CADM1: variants seen among roughly 807,000 people sequenced by gnomAD.
The protein encoded by CADM1 is cell adhesion molecule 1, also known as TSLC-1.
Under a neutral mutation model 53.1 loss-of-function variants are expected in CADM1, and 15 were observed. The ratio of observed to expected loss-of-function variants is 0.28; its 90% CI spans 0.19 to 0.44. The LOEUF is 0.44. Among genes scored for constraint, CADM1 ranks in the 20% least tolerant of loss-of-function variants. The pLI, the probability that CADM1 is intolerant of heterozygous loss-of-function variation, is 1.00. For missense variants in CADM1, 434 were observed against 611.3 expected, an observed-to-expected ratio of 0.71 and a Z score of 3.06; for synonymous variants, 281 against 243.0, an observed-to-expected ratio of 1.16 and a Z score of -1.45.
intron 1 of CADM1, among the ~76,000 whole-genome samples, chr11:115,380,132 CA>C (rs1946538152): frequency 6.6e-6 from 1 of 152,134 alleles, no homozygotes; most frequent in South Asian, 2.1e-4. Context: ...GGAAGAAATA[CA>C]GTTCCTCTAT....
chr11:115,322,809 ATGGATAT>A (rs1243362863), intron 1 of CADM1, among the ~76,000 whole-genome samples: 5 of 152,192 alleles, frequency 3.3e-5, no homozygotes, highest in Non-Finnish European at 7.3e-5. Flanking sequence ...TCATCAATAA[ATGGATAT>A]TGGATATTGT....
chr11:115,249,386 G>A (rs1305312265), intron 1 of CADM1, among the ~76,000 whole-genome samples: 1 of 152,232 alleles, frequency 6.6e-6, no homozygotes, highest in Non-Finnish European at 1.5e-5. Flanking sequence ...GATGAACTGT[G>A]TAAATAGCAG....
intron 1 of CADM1, among the ~76,000 whole-genome samples, chr11:115,418,084 C>T (rs971337063): frequency 6.6e-6 from 1 of 152,142 alleles, no homozygotes; most frequent in African/African-American, 2.4e-5. Flanking sequence ...GCTCTCCTTC[C>T]TCTTTTACCT....
intron 1 of CADM1, among the ~76,000 whole-genome samples, chr11:115,385,633 G>GAAAAAAAAAAAA (rs3045733): frequency 9.0e-6 from 1 of 111,480 alleles, no homozygotes. Flanking sequence ...AAGGATTAAA[G>GAAAAAAAAAAAA]AAAAAAAAAA....
intron 1 of CADM1, among the ~76,000 whole-genome samples, chr11:115,400,883 G>C (rs1262804468): frequency 6.6e-6 from 1 of 151,528 alleles, no homozygotes; most frequent in Non-Finnish European, 1.5e-5. Flanking sequence ...GGAATGCTCA[G>C]TTACTGCTGG....
chr11:115,471,311 G>C lies in CADM1; in HGVS notation c.124+32960C>G, dbSNP rs533111823. On this transcript the variant is annotated intron_variant, in intron 1 of 11. Transcript: ENST00000331581. Reference sequence around the variant, plus strand: ...TACAGAAAAACATGATCAACAAGGAGAAAAGAGCAGAATATAAACCAAGCA... The same window carrying C: ...TACAGAAAAACATGATCAACAAGGACAAAAGAGCAGAATATAAACCAAGCA... Among the ~76,000 whole-genome samples the C allele has an allele frequency of 8.6e-4, 131 of 152,316 alleles. 5 individuals are homozygous for C. The South Asian group carries it at 0.026, about 31-fold the overall frequency.
chr11:115,176,256 CA>C lies in CADM1; in HGVS notation c.*217del. ...TTGGTAGGAAGAAATAAAAATTAAACAAACAAACAAACGAAAAAAGAGGTGT... is the reference window on the plus strand; with the variant it reads ...TTGGTAGGAAGAAATAAAAATTAAACAACAAACAAACGAAAAAAGAGGTGT... On this transcript the variant is annotated 3_prime_UTR_variant, in exon 12 of 12. Transcript: ENST00000331581. 1 of 1,311,594 alleles carries C rather than the reference CA, an allele frequency of 7.6e-7. No homozygotes were observed. The highest frequency in any genetic ancestry group is 9.8e-7 in the Non-Finnish European group (1 of 1,021,328). The allele number at this position is 1,311,594 out of a possible 1,614,324, so 81.2% of individuals were successfully genotyped here. A position where few individuals can be genotyped will look rare whatever the true frequency, so the allele number is the denominator to read the frequency against.
At chr11:115,200,206 A>G (rs1940354333) in intron 8 of CADM1, among the ~76,000 whole-genome samples, 2 of 152,230 alleles carry the variant, frequency 1.3e-5, no homozygotes, top group Admixed American at 1.3e-4. Context: ...TTACAAGTCA[A>G]GTCTGTGTGC....
At chr11:115,456,973 AG>A (rs977809733) in intron 1 of CADM1, among the ~76,000 whole-genome samples, 37 of 152,278 alleles carry the variant, frequency 2.4e-4, no homozygotes, top group Admixed American at 7.2e-4. Context: ...CAGTAAGGAC[AG>A]GAACCTCTGT....
chr11:115,287,621 G>A (rs1943765731), intron 1 of CADM1: 1 of 152,250 alleles, frequency 6.6e-6, no homozygotes, highest in Admixed American at 6.5e-5. Flanking sequence ...TTGGTGTGGT[G>A]AAGATGAGAG....
In CADM1 at chr11:115,435,834, C is replaced by T. The variant is rs77648347; in HGVS notation, c.124+68437G>A. 5.1e-3 allele frequency among the ~76,000 whole-genome samples: 774 copies of T among 152,288 alleles called. 6 individuals are homozygous for T. Among genetic ancestry groups the T allele is most frequent in the African/African-American group, 0.018 (743 of 41,558 alleles). On this transcript the variant is annotated intron_variant, in intron 1 of 11. Transcript: ENST00000331581. ...ACAACAACCGACCTGAGTGATTTTG[C>T]TGGAGATTATATGGCCTACAAGACC...
chr11:115,472,151 TG>T (rs1349551224), intron 1 of CADM1, among the ~76,000 whole-genome samples: 4 of 152,192 alleles, frequency 2.6e-5, no homozygotes, highest in African/African-American at 9.7e-5. Flanking sequence ...AAACTGAGAA[TG>T]GTTGCTTATT....
chr11:115,319,510 G>A (rs1034880721), intron 1 of CADM1, among the ~76,000 whole-genome samples: 1 of 151,954 alleles, frequency 6.6e-6, no homozygotes, highest in South Asian at 2.1e-4. Flanking sequence ...CACTATTTTG[G>A]TGATTTTGCA....
intron 1 of CADM1, among the ~76,000 whole-genome samples, chr11:115,373,592 AAAAAAAAAAAAAAAAAG>A (rs554368305): frequency 0.1 from 14,632 of 145,566 alleles, 989 homozygotes; most frequent in South Asian, 0.29. Flanking sequence ...TCAAAAAAAA[AAAAAAAAAAAAAAAAAG>A]AAGAAGAAGA....
intron 3 of CADM1, among the ~76,000 whole-genome samples, chr11:115,238,205 A>C (rs535873655): frequency 6.6e-6 from 1 of 152,314 alleles, no homozygotes; most frequent in South Asian, 2.1e-4. Context: ...GGTAGTTAGA[A>C]GTAATAACAT....
chr11:115,188,110 C>CTCA (rs1452827425), intron 10 of CADM1, among the ~76,000 whole-genome samples: 1 of 152,216 alleles, frequency 6.6e-6, no homozygotes, highest in African/African-American at 2.4e-5. Flanking sequence ...CCCAAGGCCC[C>CTCA]TCCACTGCTG....
intron 1 of CADM1, among the ~76,000 whole-genome samples, chr11:115,439,672 T>C (rs539507016): frequency 6.6e-6 from 1 of 152,352 alleles, no homozygotes; most frequent in Non-Finnish European, 1.5e-5. Context: ...ATTTCAGAGT[T>C]ATCTACGGGA....
chr11:115,391,378 T>A (rs1186341151), intron 1 of CADM1, among the ~76,000 whole-genome samples: 1 of 152,216 alleles, frequency 6.6e-6, no homozygotes, highest in African/African-American at 2.4e-5. Flanking sequence ...GAGTGATGAA[T>A]GACAAAACAA....
intron 1 of CADM1, among the ~76,000 whole-genome samples, chr11:115,245,319 T>G (rs1213663724): frequency 6.6e-6 from 1 of 152,198 alleles, no homozygotes; most frequent in Non-Finnish European, 1.5e-5. Flanking sequence ...AACATTCTGC[T>G]AATCAATATA....
Sources: allele counts gnomAD v4.1 joint callset (sites outside exome capture counted in the v4.1 genomes callset), GRCh38; gene constraint gnomAD v4.1.1; transcripts MANE v1.5; gene names NCBI Gene and HGNC (gene_info 2026-07-23, HGNC 2026-07-21).